The following TYR variants were observed in gnomAD, a reference collection of about 807,000 sequenced individuals.
TYR encodes the protein tyrosinase.
A neutral mutation model predicts 51.5 loss-of-function variants in TYR; 58 were observed. The ratio of observed to expected loss-of-function variants is 1.13; its 90% CI spans 0.91 to 1.40. TYR has a LOEUF of 1.40. TYR is among the 40% of genes most tolerant of loss of function. The pLI, the probability that TYR is intolerant of heterozygous loss-of-function variation, is 0.00. For synonymous variants in TYR, 263 were observed against 235.2 expected, an observed-to-expected ratio of 1.12 and a Z score of -1.08; for missense variants, 732 against 647.4, an observed-to-expected ratio of 1.13 and a Z score of -1.42.
chr11:89,201,892 A>G (rs546035696), intron 2 of TYR, among the ~76,000 whole-genome samples: 19 of 152,190 alleles, frequency 1.2e-4, no homozygotes, highest in Non-Finnish European at 2.1e-4. Context: ...AATTTCAAAT[A>G]CAATTCTGCA....
At chr11:89,274,744 CT>C (rs1037912341) in intron 3 of TYR, among the ~76,000 whole-genome samples, 8 of 151,918 alleles carry the variant, frequency 5.3e-5, no homozygotes, top group African/African-American at 1.9e-4. Flanking sequence ...GTTAGGATGC[CT>C]TGTATAAGCC....
At chr11:89,250,658 C>A (rs1944319988) in intron 3 of TYR, among the ~76,000 whole-genome samples, 1 of 151,876 alleles carries the variant, frequency 6.6e-6, no homozygotes, top group African/African-American at 2.4e-5. Flanking sequence ...TGGCCATCTT[C>A]TTGCTATGTC....
intron 2 of TYR, among the ~76,000 whole-genome samples, chr11:89,204,026 G>A (rs1306978673): frequency 2.0e-5 from 3 of 152,136 alleles, no homozygotes; most frequent in African/African-American, 7.2e-5. Flanking sequence ...TTCCAACCAG[G>A]GAGGAATTAA....
At chr11:89,244,733 A>C (rs1457773143) in intron 3 of TYR, among the ~76,000 whole-genome samples, 1 of 152,240 alleles carries the variant, frequency 6.6e-6, no homozygotes, top group Non-Finnish European at 1.5e-5. Context: ...ACAGAAAAAA[A>C]ACAAGCACAC....
intron 4 of TYR, among the ~76,000 whole-genome samples, chr11:89,294,705 A>G (rs1380445488): frequency 6.6e-6 from 1 of 152,228 alleles, no homozygotes; most frequent in Non-Finnish European, 1.5e-5. Flanking sequence ...GGCTACTAAG[A>G]TTGCTGAGCA....
chr11:89,184,864 A>T (rs1485292712), intron 1 of TYR, among the ~76,000 whole-genome samples: 1 of 152,156 alleles, frequency 6.6e-6, no homozygotes, highest in Admixed American at 6.6e-5. Context: ...TTAGTGACCA[A>T]AAATTAAGAG....
intron 3 of TYR, among the ~76,000 whole-genome samples, chr11:89,279,510 T>C (rs544571196): frequency 2.7e-4 from 41 of 151,806 alleles, no homozygotes; most frequent in Non-Finnish European, 4.7e-4. Context: ...ACACTGGCCA[T>C]AAGCATAAAA....
intron 2 of TYR, among the ~76,000 whole-genome samples, chr11:89,220,383 T>C (rs1204411483): frequency 6.6e-6 from 1 of 152,240 alleles, no homozygotes; most frequent in East Asian, 1.9e-4. Flanking sequence ...AAACGGATGG[T>C]ACTAAACTAT....
intron 1 of TYR, among the ~76,000 whole-genome samples, chr11:89,185,860 C>T (rs76689747): frequency 0.021 from 3,188 of 152,054 alleles, 119 homozygotes; most frequent in African/African-American, 0.071. Flanking sequence ...TTTTGGCTTA[C>T]GTAGTCACAT....
rs754675944 is a variant in TYR, at chr11:89,227,872, G to C, written c.1086G>C (p.Met362Ile). ...TGIADASQSS[M>I]HNALHIYMNG... ...TAGCGGATGCCTCTCAAAGCAGCATGCACAATGCCTTGCACATCTATATGA... is the reference window on the plus strand; with the variant it reads ...TAGCGGATGCCTCTCAAAGCAGCATCCACAATGCCTTGCACATCTATATGA... The change falls in exon 3 of 5, where the codon ATG (methionine) becomes ATC (isoleucine). Residue 362 changes from methionine (M) to isoleucine (I), a missense_variant. Met to Ile is a conservative substitution (Grantham distance 10). Transcript: ENST00000263321. 1 of 1,613,450 alleles carries C rather than the reference G, an allele frequency of 6.2e-7. No homozygotes were observed. The highest frequency in any genetic ancestry group is 8.5e-7 in the Non-Finnish European group (1 of 1,179,708).
chr11:89,181,261 C>T (rs1943296204), intron 1 of TYR, among the ~76,000 whole-genome samples: 1 of 152,182 alleles, frequency 6.6e-6, no homozygotes, highest in Non-Finnish European at 1.5e-5. Context: ...AGTGATCTGT[C>T]CGCCTCAGAC....
At chr11:89,282,358 A>C (rs1440427730) in intron 3 of TYR, among the ~76,000 whole-genome samples, 1 of 151,742 alleles carries the variant, frequency 6.6e-6, no homozygotes, top group Non-Finnish European at 1.5e-5. Context: ...CCTCCTTCTC[A>C]TTTTAAAAAT....
intron 1 of TYR, 112 bp downstream of exon 1, chr11:89,178,884 C>A: frequency 9.4e-7 from 1 of 1,058,858 alleles, no homozygotes; most frequent in Non-Finnish European, 1.4e-6. Context: ...CCATCAAGGA[C>A]AGAAATGGTG....
chr11:89,189,912 T>A (rs1280962355), intron 1 of TYR, among the ~76,000 whole-genome samples: 1 of 152,128 alleles, frequency 6.6e-6, no homozygotes, highest in Non-Finnish European at 1.5e-5. Context: ...GGACCACATA[T>A]ATGACAGAGG....
intron 3 of TYR, among the ~76,000 whole-genome samples, chr11:89,246,920 A>G (rs1350850195): frequency 2.0e-5 from 3 of 152,146 alleles, no homozygotes; most frequent in Non-Finnish European, 4.4e-5. Context: ...GGGGTAGGTA[A>G]GCTTGGAAAC....
chr11:89,245,352 T>G (rs1944250711), intron 3 of TYR, among the ~76,000 whole-genome samples: 1 of 152,162 alleles, frequency 6.6e-6, no homozygotes, highest in South Asian at 2.1e-4. Context: ...AAGAATAGAC[T>G]GAAATTCCGA....
chr11:89,188,263 C>T (rs1943401767), intron 1 of TYR, among the ~76,000 whole-genome samples: 1 of 151,722 alleles, frequency 6.6e-6, no homozygotes, highest in African/African-American at 2.4e-5. Flanking sequence ...ACTTATTAGA[C>T]TGTAAACTCT....
At chr11:89,257,948 GC>G (rs1366671484) in intron 3 of TYR, among the ~76,000 whole-genome samples, 1 of 151,980 alleles carries the variant, frequency 6.6e-6, no homozygotes, top group Non-Finnish European at 1.5e-5. Flanking sequence ...CTACTATGTA[GC>G]AACACCCCAA....
At chr11:89,224,217 C>T (rs11820797) in intron 2 of TYR, among the ~76,000 whole-genome samples, 32,288 of 151,952 alleles carry the variant, frequency 0.21, 5,075 homozygotes, top group African/African-American at 0.45. Context: ...CAACTATTTA[C>T]CACATGCAAC....
Sources: gnomAD v4.1 joint callset for allele counts (sites outside exome capture counted in the v4.1 genomes callset) on GRCh38, gnomAD v4.1.1 for gene constraint, MANE v1.5 for transcripts, NCBI Gene and HGNC (gene_info 2026-07-23, HGNC 2026-07-21) for gene names.